The following ZNF333 variants were observed in gnomAD, a reference collection of about 807,000 sequenced individuals.
ZNF333 encodes zinc finger protein 333.
In ZNF333, 61 loss-of-function variants were observed where a neutral mutation model predicts 76.1. The observed-to-expected ratio is 0.80, with a 90% CI of 0.65 to 0.99. The LOEUF is 0.99. Ranked by LOEUF, ZNF333 falls within the 50% of genes least tolerant of loss-of-function variation. The pLI is 0.00. For synonymous variants in ZNF333, 284 were observed against 305.0 expected (o/e 0.93, Z 0.72); for missense variants, 717 against 822.4 (o/e 0.87, Z 1.57).
At chr19:14,706,280 C>A in intron 6 of ZNF333, 1 of 416,344 alleles carries the variant, frequency 2.4e-6, no homozygotes, top group South Asian at 1.7e-5. Flanking sequence ...GAGACCACAT[C>A]CTACTCCAAG....
intron 6 of ZNF333, 137 bp from the exon 7 acceptor site, chr19:14,706,549 T>G: frequency 1.4e-6 from 1 of 735,310 alleles, no homozygotes; most frequent in African/African-American, 1.8e-5. Flanking sequence ...CCTGACAAGG[T>G]AAATGGGTCT....
downstream of ZNF333, chr19:14,721,900 T>C (rs2042593296): frequency 6.6e-6 from 1 of 152,262 alleles, no homozygotes; most frequent in South Asian, 2.1e-4. Context: ...TGTTAAGTCA[T>C]ACTGTGGACA....
At position 14,698,935 on chromosome 19, in the gene ZNF333, T is replaced by TATATAGATAGATATATATAC. The variant is rs1180611568; in HGVS notation, c.224-263_224-262insTATAGATAGATATATATACA. Among the ~76,000 whole-genome samples the TATATAGATAGATATATATAC allele has an allele frequency of 2.1e-3, 286 of 139,300 alleles. 2 individuals are homozygous for TATATAGATAGATATATATAC. Among genetic ancestry groups the TATATAGATAGATATATATAC allele is most frequent in the Middle Eastern group, 0.015 (4 of 266 alleles). 91.4% of individuals were successfully genotyped at this position (139,300 alleles called of 152,430 possible). ...ATATATATATATATATATATATATA[T>TATATAGATAGATATATATAC]ACACACATATATATTTTCAATTTTA... On this transcript the variant is annotated intron_variant, in intron 4 of 11. Coordinates refer to ENST00000292530, the MANE Select transcript of ZNF333 (RefSeq NM_032433.4).
chr19:14,703,449 G>A (rs1171005424), intron 5 of ZNF333, among the ~76,000 whole-genome samples: 1 of 152,198 alleles, frequency 6.6e-6, no homozygotes, highest in Non-Finnish European at 1.5e-5. Context: ...TCTTTAAGTT[G>A]AGTGACCTGT....
At chr19:14,711,553 G>T (rs2042276070) in intron 7 of ZNF333, among the ~76,000 whole-genome samples, 1 of 152,070 alleles carries the variant, frequency 6.6e-6, no homozygotes, top group Non-Finnish European at 1.5e-5. Flanking sequence ...CTGTGGTCTC[G>T]CTACTCAGGA....
rs2042577207 is a variant in ZNF333 at position 14,721,240 on chromosome 19, A to T, written c.*1915A>T. Reference sequence around the variant, plus strand: ...ATGTGACAGGCCTGACTCTCTCTACAGTGGCAGACCCAGGGGACTAGTCTC... The same window carrying T: ...ATGTGACAGGCCTGACTCTCTCTACTGTGGCAGACCCAGGGGACTAGTCTC... On this transcript the variant is annotated 3_prime_UTR_variant, in exon 12 of 12. Transcript: ENST00000292530. 1 of 146,660 alleles carries T rather than the reference A, an allele frequency of 6.8e-6. No homozygotes were observed. Among genetic ancestry groups the T allele is most frequent in the South Asian group, 2.1e-4 (1 of 4,682 alleles). 9.1% of individuals were successfully genotyped at this position (146,660 alleles called of 1,614,324 possible).
In ZNF333 at chr19:14,718,844, A is replaced by G; in HGVS notation, c.1517A>G (p.Tyr506Cys). The change falls in exon 12 of 12, where the codon TAT (tyrosine) becomes TGT (cysteine). Residue 506 changes from tyrosine to cysteine, a missense_variant. Coordinates refer to ENST00000292530, the MANE Select transcript of ZNF333 (RefSeq NM_032433.4). Reference sequence around the variant, plus strand: ...CGAACCCATACCAGAGAGAAACCATATGAATGCAACCAGTGTGGCAAGCCC... The same window carrying G: ...CGAACCCATACCAGAGAGAAACCATGTGAATGCAACCAGTGTGGCAAGCCC... ...HLRTHTREKP[Y>C]ECNQCGKPFR... 6.2e-7 allele frequency: 1 copy of G among 1,614,162 alleles called. No individual in the cohort carries two copies.
intron 7 of ZNF333, among the ~76,000 whole-genome samples, chr19:14,710,445 G>A (rs371039390): frequency 3.9e-5 from 6 of 152,326 alleles, no homozygotes; most frequent in African/African-American, 1.4e-4. Context: ...TCGTACTCGT[G>A]GCTGTGATTT....
At chr19:14,702,979 C>T (rs192307696) in intron 5 of ZNF333, among the ~76,000 whole-genome samples, 3,055 of 151,340 alleles carry the variant, frequency 0.02, 40 homozygotes, top group Non-Finnish European at 0.031. Flanking sequence ...CCGAGGCGGG[C>T]GGATCATGAG....
chr19:14,714,749 G>C (rs180729809), intron 7 of ZNF333: 1 of 153,042 alleles, frequency 6.5e-6, no homozygotes, highest in Admixed American at 6.5e-5. Context: ...CCAGAAGGAG[G>C]ATGCCTGGTG....
Position 14,718,466 on chromosome 19 carries a change from A to C in ZNF333, c.1139A>C (p.Asp380Ala). Residue 380 changes from aspartate to alanine, a missense_variant, in exon 12 of 12, where the codon GAC becomes GCC. Asp to Ala is a moderately radical substitution (Grantham distance 126). Transcript: ENST00000292530. ...KCEKSFRYSS[D>A]LIRHEKTHTA... ...GAAAAATCCTTCAGATACAGCTCTGACCTTATCAGGCATGAGAAGACTCAT... is the reference window on the plus strand; with the variant it reads ...GAAAAATCCTTCAGATACAGCTCTGCCCTTATCAGGCATGAGAAGACTCAT... The C allele has an allele frequency of 6.2e-7, 1 of 1,614,200 alleles. No individual in the cohort carries two copies. Among genetic ancestry groups the C allele is most frequent in the Non-Finnish European group, 8.5e-7 (1 of 1,180,044 alleles).
chr19:14,728,551 C>G (rs1349979665), intron 11 of ZNF333, among the ~76,000 whole-genome samples: 1 of 152,120 alleles, frequency 6.6e-6, no homozygotes, highest in Non-Finnish European at 1.5e-5. Flanking sequence ...TAAATGTATT[C>G]AATAGAAAGA....
chr19:14,706,029 C>T (rs1034934797), intron 6 of ZNF333: 2 of 450,866 alleles, frequency 4.4e-6, no homozygotes, highest in Admixed American at 2.4e-5. Context: ...CATGTACCCC[C>T]CAACCTCCCA....
chr19:14,699,524 G>GCA, intron 5 of ZNF333: 17 of 368,592 alleles, frequency 4.6e-5, no homozygotes, highest in South Asian at 2.7e-4. Context: ...GCAGTGGCAT[G>GCA]ATCTCGGCTC....
exon 12 of ZNF333, chr19:14,732,091 T>C (rs1484916138): frequency 6.6e-6 from 1 of 152,200 alleles, no homozygotes; most frequent in East Asian, 1.9e-4. Flanking sequence ...CTGTCTTATA[T>C]GTTTTAGTTT....
chr19:14,715,278 TGTA>T, intron 7 of ZNF333, 101 bp from the exon 8 acceptor site: 1 of 871,660 alleles, frequency 1.1e-6, no homozygotes, highest in Non-Finnish European at 1.8e-6. Flanking sequence ...CATGTGTGTG[TGTA>T]CACATGTGAT....
intron 11 of ZNF333, among the ~76,000 whole-genome samples, chr19:14,729,820 C>A (rs1599766908): frequency 1.3e-5 from 2 of 152,144 alleles, no homozygotes; most frequent in Admixed American, 1.3e-4. Context: ...CATTAATTTG[C>A]TAGATCTGGT....
intron 7 of ZNF333, chr19:14,708,944 C>T (rs1007623025): frequency 2.6e-5 from 4 of 152,194 alleles, no homozygotes; most frequent in Non-Finnish European, 5.9e-5. Context: ...TGTGTCCCCA[C>T]CTAAATCTCA....
Position 14,719,579 on chromosome 19 carries a change from G to A in ZNF333, c.*254G>A, listed in dbSNP as rs961723373. ...ATGCATACATCTGAAGTGTACAGTT[G>A]GATGAGTTTGACAGATGCATACATG... On this transcript the variant is annotated 3_prime_UTR_variant, in exon 12 of 12. Transcript: ENST00000292530. 8 of 1,083,846 alleles carry A rather than the reference G, an allele frequency of 7.4e-6. No homozygotes were observed. The African/African-American group carries it at 1.1e-4, about 15-fold the overall frequency. The allele number at this position is 1,083,846 out of a possible 1,614,324, so 67.1% of individuals were successfully genotyped here.
Sources: allele counts gnomAD v4.1 joint callset (sites outside exome capture counted in the v4.1 genomes callset), GRCh38; gene constraint gnomAD v4.1.1; transcripts MANE v1.5; gene names NCBI Gene and HGNC (gene_info 2026-07-23, HGNC 2026-07-21).